RGPD2: variants seen among roughly 807,000 people sequenced by gnomAD.
RGPD2 encodes the protein RANBP2 like and GRIP domain containing 2, also known as RANBP2-like and GRIP domain-containing protein 2.
In RGPD2, 2 loss-of-function variants were observed where a neutral mutation model predicts 36.0. The observed-to-expected ratio is 0.06, with a 90% CI of 0.02 to 0.17. RGPD2 has a LOEUF of 0.17. RGPD2 is among the 10% of genes least tolerant of loss of function. The probability of loss-of-function intolerance (pLI) is 1.00; values close to 1 mark genes in which losing one functional copy is unlikely to be tolerated. For missense variants in RGPD2, 40 were observed against 464.3 expected (o/e 0.09, Z 8.40); for synonymous variants, 19 against 163.8 (o/e 0.12, Z 6.75).
At chr2:87,985,047 C>T in the RGPD2 span, among the ~76,000 whole-genome samples, 7 of 143,194 alleles carry the variant, frequency 4.9e-5, no homozygotes, top group East Asian at 1.5e-3. Context: ...TTCAGAGTGA[C>T]CCAGGCAAAG....
At chr2:87,825,246 A>T (rs1215734260) in intron 1 of RGPD2, 1 of 395,198 alleles carries the variant, frequency 2.5e-6, no homozygotes, top group Non-Finnish European at 4.5e-6. Context: ...CCCAACAATG[A>T]CTAATCCAAC....
chr2:87,979,818 G>A, the RGPD2 span, among the ~76,000 whole-genome samples: 1 of 145,544 alleles, frequency 6.9e-6, no homozygotes, highest in Non-Finnish European at 1.5e-5. Context: ...CCAGGAGGTG[G>A]TGAGCCAACA....
chr2:87,849,388 A>G, the RGPD2 span, among the ~76,000 whole-genome samples: 5 of 152,202 alleles, frequency 3.3e-5, no homozygotes, highest in Admixed American at 2.0e-4. Flanking sequence ...ATGACATAGC[A>G]TACAATTACT....
chr2:87,825,553 G>GCCGAGGCCGAGGCCGCCGCCCGGC (rs1372287128), intron 1 of RGPD2, 105 bp downstream of exon 1: 2 of 863,434 alleles, frequency 2.3e-6, no homozygotes, highest in East Asian at 3.0e-4. Context: ...CCGCCGCCCG[G>GCCGAGGCCGAGGCCGCCGCCCGGC]CCAGGTCGAG....
At chr2:87,894,360 G>A in the RGPD2 span, among the ~76,000 whole-genome samples, 2 of 150,458 alleles carry the variant, frequency 1.3e-5, no homozygotes, top group Admixed American at 1.3e-4. Context: ...ACATCTAATG[G>A]TCACATACTA....
chr2:87,918,474 A>G, the RGPD2 span, among the ~76,000 whole-genome samples: 1 of 151,262 alleles, frequency 6.6e-6, no homozygotes, highest in Non-Finnish European at 1.5e-5. Flanking sequence ...GGTGCTGTAC[A>G]GATGGACAAT....
upstream of RGPD2, among the ~76,000 whole-genome samples, chr2:87,827,309 T>A (rs1686843909): frequency 6.6e-6 from 1 of 152,298 alleles, no homozygotes. Flanking sequence ...GATAATTTTG[T>A]TATATCTTAT....
chr2:87,972,267 G>A, the RGPD2 span, among the ~76,000 whole-genome samples: 1 of 135,050 alleles, frequency 7.4e-6, no homozygotes, highest in Non-Finnish European at 1.6e-5. Flanking sequence ...ATATCATGGA[G>A]CTGAGATTAT....
At chr2:87,881,492 CTCTGTGCACCTGCAAGAT>C in the RGPD2 span, among the ~76,000 whole-genome samples, 2 of 151,222 alleles carry the variant, frequency 1.3e-5, no homozygotes, top group Non-Finnish European at 3.0e-5. Flanking sequence ...TACTCTTTTA[CTCTGTGCACCTGCAAGAT>C]TAACATCACA....
chr2:87,768,981 TTTG>T (rs1459813239), intron 22 of RGPD2, among the ~76,000 whole-genome samples: 4 of 9,952 alleles, frequency 4.0e-4, no homozygotes, highest in East Asian at 3.2e-3. Flanking sequence ...TTTTTTTTTT[TTTG>T]AGATAAGAGT....
intron 6 of RGPD2, among the ~76,000 whole-genome samples, chr2:87,809,767 C>T (rs1484705001): frequency 3.3e-5 from 5 of 151,478 alleles, no homozygotes; most frequent in African/African-American, 1.2e-4. Flanking sequence ...CCTCATGGTC[C>T]GGATTCTCCC....
chr2:87,836,462 A>G, the RGPD2 span, among the ~76,000 whole-genome samples: 1 of 152,070 alleles, frequency 6.6e-6, no homozygotes, highest in Non-Finnish European at 1.5e-5. Context: ...ATTGTTAAAG[A>G]AAAGAAATTT....
the RGPD2 span, among the ~76,000 whole-genome samples, chr2:87,965,003 C>T: frequency 6.6e-6 from 1 of 151,706 alleles, no homozygotes; most frequent in Non-Finnish European, 1.5e-5. Flanking sequence ...ACTAGTATTT[C>T]TCCTCAAGGA....
At chr2:87,825,049 C>G (rs79352433) in intron 1 of RGPD2, 2 of 388,308 alleles carry the variant, frequency 5.2e-6, no homozygotes, top group Non-Finnish European at 9.1e-6. Flanking sequence ...ACCATCTACC[C>G]CCCTCACCAA....
the RGPD2 span, among the ~76,000 whole-genome samples, chr2:87,885,310 T>C: frequency 6.6e-6 from 1 of 152,144 alleles, no homozygotes; most frequent in African/African-American, 2.4e-5. Flanking sequence ...CATCATTTTA[T>C]GATAAAGTCT....
At chr2:87,858,119 T>C in the RGPD2 span, among the ~76,000 whole-genome samples, 2 of 152,006 alleles carry the variant, frequency 1.3e-5, no homozygotes, top group Non-Finnish European at 2.9e-5. Context: ...TATGATTGAG[T>C]CATACGTACT....
chr2:87,948,496 G>A, the RGPD2 span, among the ~76,000 whole-genome samples: 2 of 149,348 alleles, frequency 1.3e-5, no homozygotes, highest in African/African-American at 2.5e-5. Flanking sequence ...ATTCGCCTGC[G>A]TCAGCCTCCC....
At chr2:87,849,529 C>G in the RGPD2 span, among the ~76,000 whole-genome samples, 1 of 148,994 alleles carries the variant, frequency 6.7e-6, no homozygotes, top group South Asian at 2.1e-4. Flanking sequence ...TCAGATTTTT[C>G]TCGTTTTTCA....
the RGPD2 span, among the ~76,000 whole-genome samples, chr2:87,977,834 G>A: frequency 6.6e-6 from 1 of 152,048 alleles, no homozygotes; most frequent in Admixed American, 6.5e-5. Flanking sequence ...GAATATCCTT[G>A]GCTGGGCACA....
Sources: allele counts gnomAD v4.1 joint callset (sites outside exome capture counted in the v4.1 genomes callset), GRCh38; gene constraint gnomAD v4.1.1; transcripts MANE v1.5; gene names NCBI Gene and HGNC (gene_info 2026-07-23, HGNC 2026-07-21).